The following POU6F2 variants were observed in gnomAD, a reference collection of about 807,000 sequenced individuals.
POU6F2 encodes the protein POU domain, class 6, transcription factor 2.
POU6F2 carries 31 observed loss-of-function variants against 71.3 expected under a neutral mutation model. The ratio of observed to expected loss-of-function variants is 0.43; its 90% confidence interval spans 0.33 to 0.59. The LOEUF (loss-of-function observed/expected upper bound fraction) is 0.59, where lower values mean the gene tolerates loss of function less well. Among genes scored for constraint, POU6F2 ranks in the 20% least tolerant of loss-of-function variants. POU6F2 has a pLI of 0.04. For missense variants in POU6F2, 783 were observed against 856.8 expected (o/e 0.91, Z 1.07); for synonymous variants, 347 against 355.7 (o/e 0.98, Z 0.27).
At chr7:39,022,963 G>GCA (rs1789712129) in intron 1 of POU6F2, among the ~76,000 whole-genome samples, 1 of 152,086 alleles carries the variant, frequency 6.6e-6, no homozygotes, top group East Asian at 1.9e-4. Flanking sequence ...CTCAACAGTA[G>GCA]TGTATGAGAG....
chr7:39,398,794 T>C (rs1316392099), intron 5 of POU6F2, among the ~76,000 whole-genome samples: 1 of 152,198 alleles, frequency 6.6e-6, no homozygotes, highest in Middle Eastern at 3.2e-3. Context: ...AATACAATTA[T>C]TACAGCAAAA....
intron 2 of POU6F2, among the ~76,000 whole-genome samples, chr7:39,136,595 G>A (rs1287432610): frequency 6.6e-6 from 1 of 152,150 alleles, no homozygotes; most frequent in Non-Finnish European, 1.5e-5. Context: ...TAATATGCTT[G>A]TAAAATAGGC....
At chr7:39,391,820 T>G (rs1364309353) in intron 5 of POU6F2, among the ~76,000 whole-genome samples, 1 of 152,228 alleles carries the variant, frequency 6.6e-6, no homozygotes, top group East Asian at 1.9e-4. Flanking sequence ...TAACATTAGG[T>G]AACTAGTTGT....
intron 4 of POU6F2, among the ~76,000 whole-genome samples, chr7:39,277,715 T>G (rs889781701): frequency 1.3e-5 from 2 of 151,696 alleles, no homozygotes; most frequent in Admixed American, 6.6e-5. Context: ...ACCGAAGTGG[T>G]TAGGGGGAAA....
intron 8 of POU6F2, among the ~76,000 whole-genome samples, chr7:39,455,320 A>T (rs1334036806): frequency 6.6e-6 from 1 of 152,184 alleles, no homozygotes; most frequent in Non-Finnish European, 1.5e-5. Context: ...CAAAACTATA[A>T]AGTGAACTTA....
chr7:39,091,922 A>C (rs1791369574), intron 2 of POU6F2, among the ~76,000 whole-genome samples: 1 of 152,080 alleles, frequency 6.6e-6, no homozygotes, highest in Non-Finnish European at 1.5e-5. Context: ...TTGCTGGTTT[A>C]TATTTGGGGA....
At chr7:39,427,837 A>T (rs1265767579) in intron 6 of POU6F2, among the ~76,000 whole-genome samples, 1 of 152,254 alleles carries the variant, frequency 6.6e-6, no homozygotes, top group Non-Finnish European at 1.5e-5. Context: ...ATCATTGGCT[A>T]TAACAATATG....
At chr7:39,052,926 A>G (rs938891955) in intron 1 of POU6F2, among the ~76,000 whole-genome samples, 9 of 152,000 alleles carry the variant, frequency 5.9e-5, no homozygotes, top group Non-Finnish European at 1.3e-4. Context: ...TGTTCTTTCT[A>G]TTGGCTTTCA....
intron 4 of POU6F2, among the ~76,000 whole-genome samples, chr7:39,332,012 A>ATCT (rs777063784): frequency 2.6e-5 from 4 of 152,156 alleles, no homozygotes; most frequent in Non-Finnish European, 5.9e-5. Flanking sequence ...AGAAATGTGT[A>ATCT]TCTTCTTTAG....
chr7:39,112,530 C>G (rs1199944573), intron 2 of POU6F2, among the ~76,000 whole-genome samples: 1 of 152,028 alleles, frequency 6.6e-6, no homozygotes, highest in Non-Finnish European at 1.5e-5. Context: ...AAGTAACATT[C>G]AAAACTGCTG....
intron 1 of POU6F2, chr7:39,034,598 C>T: frequency 3.7e-6 from 1 of 267,732 alleles, no homozygotes; most frequent in South Asian, 3.3e-5. Context: ...AATCGATGGA[C>T]CAAAATGAGT....
intron 2 of POU6F2, among the ~76,000 whole-genome samples, chr7:39,196,730 G>T (rs992113978): frequency 4.6e-5 from 7 of 151,808 alleles, no homozygotes; most frequent in African/African-American, 1.7e-4. Context: ...CTACACCCTA[G>T]CCTGGGCCAC....
In POU6F2 at chr7:39,237,035, G is replaced by A. The variant is rs73695536; in HGVS notation, c.598+29415G>A. Among the ~76,000 whole-genome samples, 573 of 152,280 alleles carry A rather than the reference G, an allele frequency of 3.8e-3. 7 individuals are homozygous for A. The highest frequency in any genetic ancestry group is 0.013 in the African/African-American group (557 of 41,568). On this transcript the variant is annotated intron_variant, in intron 4 of 9. Transcript: ENST00000518318. Reference sequence around the variant, plus strand: ...TCAGGGTATTGGGAATCCCAGCAGTGTCTCAGGGGCCGTCTGGTGCTACAC... The same window carrying A: ...TCAGGGTATTGGGAATCCCAGCAGTATCTCAGGGGCCGTCTGGTGCTACAC...
At chr7:39,314,819 T>C (rs1292446562) in intron 4 of POU6F2, among the ~76,000 whole-genome samples, 3 of 152,156 alleles carry the variant, frequency 2.0e-5, no homozygotes, top group African/African-American at 7.2e-5. Flanking sequence ...CCTAGTTCTT[T>C]AGAAATGTAC....
At chr7:39,156,288 C>T (rs2128735580) in intron 2 of POU6F2, among the ~76,000 whole-genome samples, 1 of 152,272 alleles carries the variant, frequency 6.6e-6, no homozygotes, top group Non-Finnish European at 1.5e-5. Flanking sequence ...TTTAAGTTAG[C>T]TGAATGATCA....
intron 1 of POU6F2, among the ~76,000 whole-genome samples, chr7:39,028,727 C>T (rs182670176): frequency 2.1e-3 from 314 of 152,166 alleles, no homozygotes; most frequent in African/African-American, 7.3e-3. Flanking sequence ...ATAGTTTATA[C>T]ATATACATAG....
rs529535197 is a variant in POU6F2 at position 39,185,545 on chromosome 7, C to T, written c.278-18690C>T. Among the ~76,000 whole-genome samples, 153 of 152,242 alleles carry T rather than the reference C, an allele frequency of 1.0e-3. 1 individual carries two copies. The highest frequency in any genetic ancestry group is 1.6e-3 in the Non-Finnish European group (111 of 68,018). Reference sequence around the variant, plus strand: ...AATAGAACCAGGTATTCCCAAATATCTTCTCTTGATGGGGCAACTGGTAGA... The same window carrying T: ...AATAGAACCAGGTATTCCCAAATATTTTCTCTTGATGGGGCAACTGGTAGA... On this transcript the variant is annotated intron_variant, in intron 2 of 9. Coordinates refer to ENST00000518318, the MANE Select transcript of POU6F2 (RefSeq NM_001370959.1).
chr7:39,147,471 G>T (rs1525793), intron 2 of POU6F2, among the ~76,000 whole-genome samples: 1 of 151,920 alleles, frequency 6.6e-6, no homozygotes, highest in Non-Finnish European at 1.5e-5. Context: ...AGTTGAGGTC[G>T]CTTGTAAACT....
At chr7:39,383,520 G>A (rs762836969) in intron 5 of POU6F2, among the ~76,000 whole-genome samples, 1 of 152,180 alleles carries the variant, frequency 6.6e-6, no homozygotes, top group Non-Finnish European at 1.5e-5. Context: ...ATCCAGTGGT[G>A]TAAACTCTTC....
Sources: allele counts gnomAD v4.1 joint callset (sites outside exome capture counted in the v4.1 genomes callset), GRCh38; gene constraint gnomAD v4.1.1; transcripts MANE v1.5; gene names NCBI Gene and HGNC (gene_info 2026-07-23, HGNC 2026-07-21).